The following APP variants were observed in gnomAD, a reference collection of about 807,000 sequenced individuals.
APP encodes amyloid-beta precursor protein.
Under a neutral mutation model 101.4 loss-of-function variants are expected in APP, and 31 were observed. The ratio of observed to expected loss-of-function variants is 0.31; its 90% CI spans 0.23 to 0.41. The LOEUF (loss-of-function observed/expected upper bound fraction) is 0.41, where lower values mean the gene tolerates loss of function less well. Ranked by LOEUF, APP falls within the 10% of genes least tolerant of loss-of-function variation. The pLI is 1.00. For synonymous variants in APP, 366 were observed against 364.4 expected, an observed-to-expected ratio of 1.00 and a Z score of -0.05; for missense variants, 839 against 1,003.7, an observed-to-expected ratio of 0.84 and a Z score of 2.22.
Position 26,017,198 on chromosome 21 carries a change from C to CAAAAAAAAAAAAAAAAAAAAAAAA in APP, c.865+4641_865+4642insTTTTTTTTTTTTTTTTTTTTTTTT, listed in dbSNP as rs35206910. ...TGGGTGACAGAGCGAGACTGTATCT[C>CAAAAAAAAAAAAAAAAAAAAAAAA]AAAAAAAAAAAAAAAAAAAATTCTT... is the stretch of plus-strand genomic sequence containing the variant. On this transcript the variant is annotated intron_variant, in intron 6 of 17. Coordinates refer to ENST00000346798, the MANE Select transcript of APP (RefSeq NM_000484.4). Among the ~76,000 whole-genome samples, 29 of 56,364 alleles carry CAAAAAAAAAAAAAAAAAAAAAAAA rather than the reference C, an allele frequency of 5.1e-4. 1 individual carries two copies. Among genetic ancestry groups the CAAAAAAAAAAAAAAAAAAAAAAAA allele is most frequent in the African/African-American group, 8.5e-4 (10 of 11,810 alleles). 37.0% of individuals were successfully genotyped at this position (56,364 alleles called of 152,430 possible). A position where few individuals can be genotyped will look rare whatever the true frequency, so the allele number is the denominator to read the frequency against.
At chr21:25,997,667 G>A (rs1010748692) in intron 7 of APP, among the ~76,000 whole-genome samples, 5 of 152,134 alleles carry the variant, frequency 3.3e-5, no homozygotes, top group Non-Finnish European at 7.4e-5. Flanking sequence ...CTTAACAGAA[G>A]AGGATTTCTT....
intron 1 of APP, among the ~76,000 whole-genome samples, chr21:26,114,716 T>C (rs1441971815): frequency 6.6e-6 from 1 of 152,212 alleles, no homozygotes; most frequent in East Asian, 1.9e-4. Flanking sequence ...TCTTTTGACT[T>C]AACTTCCTTT....
intron 9 of APP, among the ~76,000 whole-genome samples, chr21:25,978,950 C>T (rs977165420): frequency 5.3e-5 from 8 of 151,916 alleles, no homozygotes; most frequent in African/African-American, 1.9e-4. Context: ...GACTCCATCT[C>T]CAAAAAAGAA....
chr21:25,969,972 A>G (rs1017575646), intron 11 of APP, among the ~76,000 whole-genome samples: 60 of 81,464 alleles, frequency 7.4e-4, no homozygotes, highest in African/African-American at 3.5e-3. Context: ...GAGGGAGGGA[A>G]GGAAGGAAGG....
chr21:26,000,903 C>A (rs1317151028), intron 6 of APP, among the ~76,000 whole-genome samples: 1 of 151,216 alleles, frequency 6.6e-6, no homozygotes, highest in Non-Finnish European at 1.5e-5. Flanking sequence ...GCATGAAGTA[C>A]ATCTATAACA....
intron 3 of APP, among the ~76,000 whole-genome samples, chr21:26,080,789 A>G (rs1283805283): frequency 1.3e-5 from 2 of 151,976 alleles, no homozygotes; most frequent in Non-Finnish European, 2.9e-5. Context: ...AAAAAAGAAA[A>G]AAAAATCCTG....
chr21:26,163,498 T>C lies in APP; in HGVS notation c.57+7066A>G, dbSNP rs45508503. Among the ~76,000 whole-genome samples the C allele has an allele frequency of 2.6e-5, 4 of 152,302 alleles. No homozygotes were observed. The East Asian group carries it at 7.7e-4, about 29-fold the overall frequency. On this transcript the variant is annotated intron_variant, in intron 1 of 17. Coordinates refer to ENST00000346798, the MANE Select transcript of APP (RefSeq NM_000484.4). ...TCTTTTCCCTTTTCCAAAATGTTTG[T>C]CCTATTTATTCCTCATCCCTGCTCA...
At chr21:25,947,478 T>C (rs558575584) in intron 13 of APP, among the ~76,000 whole-genome samples, 1 of 152,340 alleles carries the variant, frequency 6.6e-6, no homozygotes, top group South Asian at 2.1e-4. Context: ...GCTGTCTTAA[T>C]AGTATACCGT....
chr21:26,029,552 G>T (rs1252112714), intron 5 of APP, among the ~76,000 whole-genome samples: 1 of 152,116 alleles, frequency 6.6e-6, no homozygotes, highest in East Asian at 1.9e-4. Flanking sequence ...AAGTCCAGGG[G>T]CCAAAGATAG....
chr21:26,014,920 T>A (rs2043986024), intron 6 of APP, among the ~76,000 whole-genome samples: 2 of 152,204 alleles, frequency 1.3e-5, no homozygotes, highest in Non-Finnish European at 2.9e-5. Flanking sequence ...ACAGAAGAAC[T>A]CCCACAAGGC....
intron 8 of APP, among the ~76,000 whole-genome samples, chr21:25,995,400 C>T (rs1568826209): frequency 6.6e-6 from 1 of 151,654 alleles, no homozygotes; most frequent in African/African-American, 2.4e-5. Context: ...TTTCACTAAC[C>T]GGCAAAACAA....
intron 15 of APP, among the ~76,000 whole-genome samples, chr21:25,901,998 GAAGT>G (rs2038523591): frequency 6.6e-6 from 1 of 151,984 alleles, no homozygotes; most frequent in African/African-American, 2.4e-5. Context: ...TTTTTCTTTG[GAAGT>G]AAGCCAGGAG....
chr21:26,088,629 A>G (rs1160195627), intron 3 of APP, among the ~76,000 whole-genome samples: 2 of 152,216 alleles, frequency 1.3e-5, no homozygotes, highest in East Asian at 3.8e-4. Flanking sequence ...AGTATAAAAT[A>G]CACAGTTCCT....
intron 6 of APP, among the ~76,000 whole-genome samples, chr21:26,020,588 C>A (rs1395463658): frequency 2.0e-5 from 3 of 152,044 alleles, no homozygotes; most frequent in African/African-American, 7.2e-5. Flanking sequence ...TGAGAGAAAG[C>A]CACTTTTTGT....
intron 13 of APP, among the ~76,000 whole-genome samples, chr21:25,915,325 G>A (rs1485735015): frequency 2.0e-5 from 3 of 152,280 alleles, no homozygotes; most frequent in African/African-American, 7.2e-5. Flanking sequence ...TCTCCTGTAT[G>A]ACTCTCCTCT....
intron 2 of APP, among the ~76,000 whole-genome samples, chr21:26,110,566 A>G (rs959713475): frequency 6.6e-6 from 1 of 152,208 alleles, no homozygotes; most frequent in Non-Finnish European, 1.5e-5. Flanking sequence ...CTTAATATGT[A>G]ATATATTGTG....
chr21:26,157,887 C>A (rs117982323), intron 1 of APP, among the ~76,000 whole-genome samples: 3,454 of 152,332 alleles, frequency 0.023, 45 homozygotes, highest in Non-Finnish European at 0.037. Flanking sequence ...AGATCTAGCT[C>A]AAAAGAGGTG....
chr21:25,985,394 A>G (rs182840222), intron 8 of APP, among the ~76,000 whole-genome samples: 1 of 152,192 alleles, frequency 6.6e-6, no homozygotes, highest in Admixed American at 6.5e-5. Flanking sequence ...CCTCCTCAAC[A>G]TGGGCAGGAA....
chr21:26,105,068 C>CAAAAAAA (rs10579923), intron 2 of APP, among the ~76,000 whole-genome samples: 8 of 110,476 alleles, frequency 7.2e-5, no homozygotes, highest in African/African-American at 2.2e-4. Context: ...GCATTTTTTT[C>CAAAAAAA]AAAAAAAAAA....
Sources: allele counts gnomAD v4.1 joint callset (sites outside exome capture counted in the v4.1 genomes callset), GRCh38; gene constraint gnomAD v4.1.1; transcripts MANE v1.5; gene names NCBI Gene and HGNC (gene_info 2026-07-23, HGNC 2026-07-21).